The following ADCY9 variants were observed in gnomAD, a reference collection of about 807,000 sequenced individuals.
ADCY9 encodes adenylate cyclase type 9.
A neutral mutation model predicts 101.5 loss-of-function variants in ADCY9; 50 were observed. The ratio of observed to expected loss-of-function variants is 0.49; its 90% CI spans 0.39 to 0.62. The LOEUF (loss-of-function observed/expected upper bound fraction) is 0.62. ADCY9 is among the 20% of genes least tolerant of loss of function. The pLI is 0.00. For synonymous variants in ADCY9, 905 were observed against 769.3 expected, an observed-to-expected ratio of 1.18 and a Z score of -2.92; for missense variants, 1,662 against 1,800.4, an observed-to-expected ratio of 0.92 and a Z score of 1.39.
rs1010796485 is a variant in ADCY9 at position 3,962,918 on chromosome 16, C to T, written c.*2857G>A. 6.6e-6 allele frequency: 1 copy of T among 152,488 alleles called. No homozygotes were observed. Among genetic ancestry groups the T allele is most frequent in the African/African-American group, 2.4e-5 (1 of 41,354 alleles). 9.4% of individuals were successfully genotyped at this position (152,488 alleles called of 1,614,324 possible). A position where few individuals can be genotyped will look rare whatever the true frequency, so the allele number is the denominator to read the frequency against. ...ATTACAGCCCATGTGACAGGAAGCA[C>T]GCGGCCTTCGGCTCTCCGGATCGTG... On this transcript the variant is annotated 3_prime_UTR_variant, in exon 11 of 11. Coordinates refer to ENST00000294016, the MANE Select transcript of ADCY9 (RefSeq NM_001116.4).
intron 2 of ADCY9, among the ~76,000 whole-genome samples, chr16:4,078,715 T>A (rs1447477259): frequency 6.6e-6 from 1 of 151,990 alleles, no homozygotes; most frequent in East Asian, 1.9e-4. Context: ...ACATAAAGAT[T>A]TTAAATTTCC....
intron 7 of ADCY9, among the ~76,000 whole-genome samples, chr16:3,981,384 C>A (rs987263592): frequency 3.3e-5 from 5 of 151,452 alleles, no homozygotes; most frequent in Non-Finnish European, 7.4e-5. Context: ...TACAGCTACC[C>A]ACATTAGAGG....
downstream of ADCY9, among the ~76,000 whole-genome samples, chr16:3,960,589 G>A (rs1210378187): frequency 6.6e-6 from 1 of 151,972 alleles, no homozygotes; most frequent in Non-Finnish European, 1.5e-5. Flanking sequence ...ATTTTTTCTG[G>A]ACAAAGTAAC....
chr16:4,102,719 C>T (rs540695932), intron 2 of ADCY9, among the ~76,000 whole-genome samples: 1 of 151,016 alleles, frequency 6.6e-6, no homozygotes, highest in East Asian at 2.0e-4. Context: ...CTCACTGCGC[C>T]CAGCCATGTG....
chr16:4,081,809 A>G (rs2056904731), intron 2 of ADCY9, among the ~76,000 whole-genome samples: 1 of 107,924 alleles, frequency 9.3e-6, no homozygotes. Flanking sequence ...GGTAAGAGCA[A>G]GAGGGGGGCA....
At chr16:3,974,579 G>A in intron 10 of ADCY9, 90 bp downstream of exon 10, 1 of 1,044,538 alleles carries the variant, frequency 9.6e-7, no homozygotes, top group African/African-American at 1.6e-5. Context: ...TTTTATTCAA[G>A]ATCCCATTGT....
intron 2 of ADCY9, among the ~76,000 whole-genome samples, chr16:4,062,013 C>T (rs1448998681): frequency 6.6e-6 from 1 of 152,104 alleles, no homozygotes; most frequent in African/African-American, 2.4e-5. Context: ...AATGAATTAG[C>T]ATTAATCTAC....
In ADCY9 at chr16:4,079,470, G is replaced by A. The variant is rs142654721; in HGVS notation, c.1693+34280C>T. On this transcript the variant is annotated intron_variant, in intron 2 of 10. Coordinates refer to ENST00000294016, the MANE Select transcript of ADCY9 (RefSeq NM_001116.4). ...TGTAGTCCCAGCTACTGGGGAGTCT[G>A]AGGCAGGAGAATCTCTTGAACCCGG... is the stretch of plus-strand genomic sequence containing the variant. 3.0e-3 allele frequency among the ~76,000 whole-genome samples: 462 copies of A among 152,306 alleles called. 1 individual carries two copies. Among genetic ancestry groups the A allele is most frequent in the African/African-American group, 0.011 (453 of 41,552 alleles).
chr16:4,089,392 T>C (rs2056959660), intron 2 of ADCY9, among the ~76,000 whole-genome samples: 1 of 152,090 alleles, frequency 6.6e-6, no homozygotes, highest in Admixed American at 6.6e-5. Flanking sequence ...AGAACTCCAT[T>C]CCTTTTTAAG....
intron 2 of ADCY9, among the ~76,000 whole-genome samples, chr16:4,048,773 C>T (rs946838302): frequency 5.3e-5 from 8 of 151,902 alleles, no homozygotes; most frequent in East Asian, 1.9e-4. Context: ...CTTGGACAGG[C>T]GATGCTGAGG....
chr16:4,041,381 G>C (rs1246918018), intron 2 of ADCY9, among the ~76,000 whole-genome samples: 1 of 151,980 alleles, frequency 6.6e-6, no homozygotes, highest in Non-Finnish European at 1.5e-5. Flanking sequence ...GTTTACGCCT[G>C]TCATCCCAGC....
At chr16:4,059,362 C>A in intron 2 of ADCY9, among the ~76,000 whole-genome samples, 1 of 117,602 alleles carries the variant, frequency 8.5e-6, no homozygotes, top group Non-Finnish European at 1.6e-5. Flanking sequence ...GCCTGGGCGA[C>A]ACAGCGAGAA....
At position 3,966,795 on chromosome 16, in the gene ADCY9, C is replaced by T. The variant is rs150093721; in HGVS notation, c.3042G>A (p.Ala1014=). 1.1e-4 allele frequency: 174 copies of T among 1,614,180 alleles called. No individual in the cohort carries two copies. The African/African-American group carries it at 1.6e-3, about 15-fold the overall frequency. Residue 1014 remains alanine (A), a synonymous_variant, in exon 11 of 11, where the codon GCG becomes GCA. Coordinates refer to ENST00000294016, the MANE Select transcript of ADCY9 (RefSeq NM_001116.4). ...YRLHYHGDVE[A]DLHRTKIQSM... ...TCTGGATCTTGGTGCGGTGAAGATC[C>T]GCTTCCACGTCTCCGTGGTAGTGGA...
At position 4,043,262 on chromosome 16, in the gene ADCY9, C is replaced by T. The variant is rs145770925; in HGVS notation, c.1694-35704G>A. On this transcript the variant is annotated intron_variant, in intron 2 of 10. Transcript: ENST00000294016. ...AAACAAACAAAAAATTAAAACTCTTCCCTGTGGGGTTGCTTTAAAAATCGT... is the reference window on the plus strand; with the variant it reads ...AAACAAACAAAAAATTAAAACTCTTTCCTGTGGGGTTGCTTTAAAAATCGT... Among the ~76,000 whole-genome samples the T allele has an allele frequency of 4.6e-3, 699 of 152,166 alleles. 2 individuals carry two copies. The highest frequency in any genetic ancestry group is 0.015 in the African/African-American group (622 of 41,538).
chr16:4,008,798 T>C (rs2056384388), intron 2 of ADCY9, among the ~76,000 whole-genome samples: 1 of 152,198 alleles, frequency 6.6e-6, no homozygotes, highest in South Asian at 2.1e-4. Flanking sequence ...CCTAGTGATC[T>C]GCCCACCTTG....
intron 5 of ADCY9, among the ~76,000 whole-genome samples, chr16:3,991,339 T>G (rs963918332): frequency 6.6e-6 from 1 of 152,166 alleles, no homozygotes; most frequent in African/African-American, 2.4e-5. Flanking sequence ...TGCGTGTCCC[T>G]GGAGAGGACA....
intron 2 of ADCY9, among the ~76,000 whole-genome samples, chr16:4,107,059 C>G (rs2057081827): frequency 6.6e-6 from 1 of 152,208 alleles, no homozygotes; most frequent in Admixed American, 6.5e-5. Context: ...TCAGAATTAA[C>G]AGCTGTGTCC....
At chr16:4,106,115 A>AT (rs945288982) in intron 2 of ADCY9, among the ~76,000 whole-genome samples, 1 of 152,200 alleles carries the variant, frequency 6.6e-6, no homozygotes, top group South Asian at 2.1e-4. Flanking sequence ...GATGCCAGGA[A>AT]TTTTTTACAA....
chr16:4,049,466 A>C (rs1436527138), intron 2 of ADCY9, among the ~76,000 whole-genome samples: 1 of 152,160 alleles, frequency 6.6e-6, no homozygotes. Context: ...GGCTAATCAA[A>C]TAGTAAACAC....
Sources: allele counts gnomAD v4.1 joint callset (sites outside exome capture counted in the v4.1 genomes callset), GRCh38; gene constraint gnomAD v4.1.1; transcripts MANE v1.5; gene names NCBI Gene and HGNC (gene_info 2026-07-23, HGNC 2026-07-21).